SLC7A7: variants seen among roughly 807,000 people sequenced by gnomAD.
The protein encoded by SLC7A7 is solute carrier family 7 member 7, also known as Y+L amino acid transporter 1.
SLC7A7 carries 39 observed loss-of-function variants against 47.9 expected under a neutral mutation model. That is an observed-to-expected ratio of 0.81 (90% CI 0.63 to 1.06). SLC7A7 has a LOEUF of 1.06. SLC7A7 is among the 50% of genes least tolerant of loss of function. The pLI is 0.00. For synonymous variants in SLC7A7, 234 were observed against 242.8 expected (o/e 0.96, Z 0.34); for missense variants, 588 against 632.0 (o/e 0.93, Z 0.75).
intron 9 of SLC7A7, 55 bp from the exon 10 acceptor site, chr14:22,773,771 A>T: frequency 6.3e-7 from 1 of 1,576,946 alleles, no homozygotes; most frequent in Non-Finnish European, 8.7e-7. Context: ...GCTGAGTTCA[A>T]GTGTCACTGA....
upstream of SLC7A7, among the ~76,000 whole-genome samples, chr14:22,817,073 C>T (rs1242869951): frequency 6.6e-6 from 1 of 151,648 alleles, no homozygotes; most frequent in African/African-American, 2.4e-5. Flanking sequence ...CACAAGTATA[C>T]TATCTCTCCA....
At chr14:22,777,041 G>C (rs1371153474) in intron 4 of SLC7A7, among the ~76,000 whole-genome samples, 3 of 151,408 alleles carry the variant, frequency 2.0e-5, no homozygotes, top group Admixed American at 2.0e-4. Flanking sequence ...TATTTGGGAG[G>C]CTGAGGTGGG....
chr14:22,777,849 G>A (rs534938763), intron 4 of SLC7A7, among the ~76,000 whole-genome samples: 65 of 152,290 alleles, frequency 4.3e-4, no homozygotes, highest in African/African-American at 1.4e-3. Flanking sequence ...TAAGGCGGGC[G>A]GATCACCTGA....
Position 22,774,053 on chromosome 14 carries a change from A to G in SLC7A7, c.1309T>C (p.Tyr437His). The G allele has an allele frequency of 6.2e-7, 1 of 1,614,200 alleles. No homozygotes were observed. The highest frequency in any genetic ancestry group is 8.5e-7 in the Non-Finnish European group (1 of 1,180,044). The change falls in exon 9 of 10, where the codon TAC becomes CAC. Residue 437 changes from tyrosine to histidine, a missense_variant. Coordinates refer to ENST00000674313, the MANE Select transcript of SLC7A7 (RefSeq NM_003982.4). ...ATGAGGGAGTTGATAGTATCACTGT[A>G]AAGTGGAACAGCCACCAGGAAGATG... ...CTIFLVAVPL[Y>H]SDTINSLIGI...
chr14:22,810,153 G>A (rs546226157), intron 2 of SLC7A7, among the ~76,000 whole-genome samples: 1 of 151,222 alleles, frequency 6.6e-6, no homozygotes, highest in African/African-American at 2.4e-5. Flanking sequence ...AAATGACACA[G>A]ACAAAGATAG....
intron 2 of SLC7A7, among the ~76,000 whole-genome samples, chr14:22,799,444 C>CTT (rs2039072654): frequency 9.1e-6 from 1 of 109,788 alleles, no homozygotes; most frequent in African/African-American, 3.2e-5. Context: ...TTATTTTTTT[C>CTT]TTTCTTTTTT....
chr14:22,805,430 G>T (rs2039184881), intron 2 of SLC7A7, among the ~76,000 whole-genome samples: 1 of 152,194 alleles, frequency 6.6e-6, no homozygotes, highest in Non-Finnish European at 1.5e-5. Context: ...ATAGTATGCA[G>T]CCATAAAAAG....
At chr14:22,779,691 G>A (rs1465559085) in intron 3 of SLC7A7, among the ~76,000 whole-genome samples, 1 of 151,922 alleles carries the variant, frequency 6.6e-6, no homozygotes, top group East Asian at 1.9e-4. Context: ...CTGACCTCAT[G>A]GATCCACCCG....
At chr14:22,789,494 G>C (rs2038885341) in intron 2 of SLC7A7, among the ~76,000 whole-genome samples, 1 of 152,122 alleles carries the variant, frequency 6.6e-6, no homozygotes, top group South Asian at 2.1e-4. Flanking sequence ...TGGGTGTGGT[G>C]GTGGGTGCCT....
At chr14:22,775,705 T>G in intron 6 of SLC7A7, 128 bp downstream of exon 6, 1 of 934,270 alleles carries the variant, frequency 1.1e-6, no homozygotes. Flanking sequence ...AGGCTTCTGC[T>G]AGAAACAAGA....
chr14:22,803,966 T>G (rs568744422), intron 2 of SLC7A7, among the ~76,000 whole-genome samples: 2 of 152,316 alleles, frequency 1.3e-5, no homozygotes, highest in East Asian at 3.9e-4. Flanking sequence ...CAAACTTTCT[T>G]CTTTTGTTCC....
chr14:22,774,567 C>T, intron 7 of SLC7A7, 64 bp from the exon 8 acceptor site: 1 of 1,603,378 alleles, frequency 6.2e-7, no homozygotes, highest in Non-Finnish European at 8.5e-7. Context: ...CTTTTCACTC[C>T]CTTTATACCC....
chr14:22,796,371 C>G (rs950461007), intron 2 of SLC7A7, among the ~76,000 whole-genome samples: 1 of 152,130 alleles, frequency 6.6e-6, no homozygotes. Context: ...GCTGTCTGCC[C>G]CCTTCCCACA....
chr14:22,788,573 G>T (rs571656544), intron 2 of SLC7A7, among the ~76,000 whole-genome samples: 103 of 151,694 alleles, frequency 6.8e-4, no homozygotes, highest in African/African-American at 2.4e-3. Flanking sequence ...GCGTGGTGGC[G>T]GGCACCTGTC....
chr14:22,815,271 G>A (rs2039388537), intron 1 of SLC7A7, 49 bp downstream of exon 1: 1 of 432,472 alleles, frequency 2.3e-6, no homozygotes, highest in Admixed American at 2.4e-5. Flanking sequence ...GCAAAGAGGA[G>A]GGTTAGCAAG....
chr14:22,800,628 A>G (rs116836986), intron 2 of SLC7A7, among the ~76,000 whole-genome samples: 361 of 152,224 alleles, frequency 2.4e-3, no homozygotes, highest in African/African-American at 8.4e-3. Flanking sequence ...ACCACATGGA[A>G]AGACTGACAC....
At chr14:22,793,031 C>T (rs2038953522) in intron 2 of SLC7A7, among the ~76,000 whole-genome samples, 1 of 151,614 alleles carries the variant, frequency 6.6e-6, no homozygotes. Flanking sequence ...GTTCTCCTGC[C>T]TCAGCCTCCC....
intron 2 of SLC7A7, among the ~76,000 whole-genome samples, chr14:22,804,125 G>A (rs1412914356): frequency 6.6e-6 from 1 of 152,072 alleles, no homozygotes; most frequent in Non-Finnish European, 1.5e-5. Flanking sequence ...TTAATAAATG[G>A]TGCTGTGAGA....
At chr14:22,790,265 G>C (rs1390743941) in intron 2 of SLC7A7, among the ~76,000 whole-genome samples, 5 of 149,210 alleles carry the variant, frequency 3.4e-5, no homozygotes, top group African/African-American at 1.2e-4. Context: ...GGGAGGTCAA[G>C]GCTGCAGTGA....
Sources: gnomAD v4.1 joint callset for allele counts (sites outside exome capture counted in the v4.1 genomes callset) on GRCh38, gnomAD v4.1.1 for gene constraint, MANE v1.5 for transcripts, NCBI Gene and HGNC (gene_info 2026-07-23, HGNC 2026-07-21) for gene names.